YTHDC2: variants seen among roughly 807,000 people sequenced by gnomAD.
YTHDC2 encodes 3'-5' RNA helicase YTHDC2.
YTHDC2 carries 45 observed loss-of-function variants against 174.9 expected under a neutral mutation model. The ratio of observed to expected loss-of-function variants is 0.26; its 90% CI spans 0.20 to 0.33. The LOEUF is 0.33. Among genes scored for constraint, YTHDC2 ranks in the 10% least tolerant of loss-of-function variants. The pLI, the probability that YTHDC2 is intolerant of heterozygous loss-of-function variation, is 1.00. For synonymous variants in YTHDC2, 657 were observed against 574.5 expected (o/e 1.14, Z -2.05); for missense variants, 1,650 against 1,723.7 (o/e 0.96, Z 0.76).
Position 113,594,447 on chromosome 5 carries a change from C to T in YTHDC2, c.*973C>T, listed in dbSNP as rs756125669. 6.6e-6 allele frequency: 1 copy of T among 152,138 alleles called. No individual in the cohort carries two copies. Among genetic ancestry groups the T allele is most frequent in the Non-Finnish European group, 1.5e-5 (1 of 68,030 alleles). The allele number at this position is 152,138 out of a possible 1,614,324, so 9.4% of individuals were successfully genotyped here. On this transcript the variant is annotated 3_prime_UTR_variant, in exon 30 of 30. Coordinates refer to ENST00000161863, the MANE Select transcript of YTHDC2 (RefSeq NM_022828.5). ...GCGCCACAATTCTAAGTGCCGCCTT[C>T]CATTTTTTTTCAGTATGTTTTCACT... is the stretch of plus-strand genomic sequence containing the variant.
chr5:113,589,336 T>C (rs1400249636), intron 26 of YTHDC2, among the ~76,000 whole-genome samples: 1 of 149,878 alleles, frequency 6.7e-6, no homozygotes, highest in Non-Finnish European at 1.5e-5. Context: ...TGTTCTTTCC[T>C]TCTAATGTGT....
chr5:113,541,242 A>G, intron 9 of YTHDC2, 126 bp downstream of exon 9: 1 of 1,064,080 alleles, frequency 9.4e-7, no homozygotes, highest in Admixed American at 2.1e-5. Context: ...CCCAGGCTGG[A>G]GTGGAGTGGC....
rs1319188755 is a variant in YTHDC2 at position 113,553,202 on chromosome 5, T to C, written c.1710T>C (p.Asn570=). The change falls in exon 13 of 30, where the codon AAT becomes AAC. Residue 570 remains asparagine, a synonymous_variant. Coordinates refer to ENST00000161863, the MANE Select transcript of YTHDC2 (RefSeq NM_022828.5). ...TCAGTGCTACACTGGAATTTGGAAATCTAGATGAAAGTTCTCTGGTTCAAA... is the reference window on the plus strand; with the variant it reads ...TCAGTGCTACACTGGAATTTGGAAACCTAGATGAAAGTTCTCTGGTTCAAA... The part of the protein sequence containing the change: ...ESYSATLEFG[N]LDESSLVQTN... 7.2e-7 allele frequency: 1 copy of C among 1,384,156 alleles called. No individual in the cohort carries two copies. Among genetic ancestry groups the C allele is most frequent in the East Asian group, 2.6e-5 (1 of 38,220 alleles). The allele number at this position is 1,384,156 out of a possible 1,614,324, so 85.7% of individuals were successfully genotyped here. A position where few individuals can be genotyped will look rare whatever the true frequency, so the allele number is the denominator to read the frequency against.
At chr5:113,538,425 A>T (rs997923240) in intron 7 of YTHDC2, among the ~76,000 whole-genome samples, 6 of 152,132 alleles carry the variant, frequency 3.9e-5, no homozygotes, top group African/African-American at 1.4e-4. Flanking sequence ...CTTGAACGAT[A>T]TCCCTCTCCA....
At chr5:113,565,849 G>C (rs781496875) in intron 20 of YTHDC2, 44 bp from the exon 21 acceptor site, 1 of 1,581,680 alleles carries the variant, frequency 6.3e-7, no homozygotes, top group South Asian at 1.2e-5. Context: ...ACTAAGAAGC[G>C]ATTAGTAAAT....
intron 10 of YTHDC2, among the ~76,000 whole-genome samples, chr5:113,547,374 A>G (rs1019195404): frequency 2.6e-5 from 4 of 152,230 alleles, no homozygotes; most frequent in Admixed American, 6.5e-5. Context: ...AGCAGAAACA[A>G]CAACAACAAA....
In YTHDC2 at chr5:113,581,361, A is replaced by G. The variant is rs1369390411; in HGVS notation, c.3355-56A>G. On this transcript the variant is annotated intron_variant, in intron 24 of 29. Coordinates refer to ENST00000161863, the MANE Select transcript of YTHDC2 (RefSeq NM_022828.5). ...CAAACTAATGGAAACTAATCAACAC[A>G]TAGGTGTTTTGCATATGTGATATTC... The G allele has an allele frequency of 4.5e-5, 66 of 1,470,910 alleles. 1 individual carries two copies. In the South Asian group the frequency reaches 7.9e-4, roughly 18 times the overall value. The allele number at this position is 1,470,910 out of a possible 1,614,324, so 91.1% of individuals were successfully genotyped here. A position where few individuals can be genotyped will look rare whatever the true frequency, so the allele number is the denominator to read the frequency against.
rs573388981 is a variant in YTHDC2, at chr5:113,530,668, T to C, written c.676-2211T>C. On this transcript the variant is annotated intron_variant, in intron 4 of 29. Coordinates refer to ENST00000161863, the MANE Select transcript of YTHDC2 (RefSeq NM_022828.5). Reference sequence around the variant, plus strand: ...TATACATAATCAGCTACATTGTTGCTATTACTATTTTGAACCAATTGTTAT... The same window carrying C: ...TATACATAATCAGCTACATTGTTGCCATTACTATTTTGAACCAATTGTTAT... 2.6e-5 allele frequency among the ~76,000 whole-genome samples: 4 copies of C among 152,336 alleles called. No individual in the cohort carries two copies. In the East Asian group the frequency reaches 5.8e-4, roughly 22 times the overall value.
rs1045828319 is a variant in YTHDC2 at position 113,561,469 on chromosome 5, C to A, written c.2322+284C>A. 7.2e-3 allele frequency among the ~76,000 whole-genome samples: 910 copies of A among 125,672 alleles called. 7 individuals carry two copies. Among genetic ancestry groups the A allele is most frequent in the African/African-American group, 0.032 (848 of 26,294 alleles). The allele number at this position is 125,672 out of a possible 152,430, so 82.4% of individuals were successfully genotyped here. A position where few individuals can be genotyped will look rare whatever the true frequency, so the allele number is the denominator to read the frequency against. The stretch of plus-strand genomic sequence containing the variant: ...TCTATCTATCTATCTATCTATCTAT[C>A]TATATTTTTTTTTTTTTGAGTCAGA... On this transcript the variant is annotated intron_variant, in intron 18 of 29. Coordinates refer to ENST00000161863, the MANE Select transcript of YTHDC2 (RefSeq NM_022828.5).
At chr5:113,520,846 A>G (rs1034366762) in intron 2 of YTHDC2, among the ~76,000 whole-genome samples, 4 of 152,176 alleles carry the variant, frequency 2.6e-5, no homozygotes, top group African/African-American at 9.7e-5. Context: ...GGTTTGTTGT[A>G]CAGATTATTT....
chr5:113,594,891 C>T lies in YTHDC2; in HGVS notation c.*1417C>T, dbSNP rs1779183324. The T allele has an allele frequency of 6.6e-6, 1 of 152,116 alleles. No individual in the cohort carries two copies. The allele number at this position is 152,116 out of a possible 1,614,324, so 9.4% of individuals were successfully genotyped here. Reference sequence around the variant, plus strand: ...TCTGGGAAAGCATTATATAGTGGTGCATTAGTTTAGAAAGTCAGCTATGAT... The same window carrying T: ...TCTGGGAAAGCATTATATAGTGGTGTATTAGTTTAGAAAGTCAGCTATGAT... On this transcript the variant is annotated 3_prime_UTR_variant, in exon 30 of 30. Coordinates refer to ENST00000161863, the MANE Select transcript of YTHDC2 (RefSeq NM_022828.5).
chr5:113,586,743 G>A (rs1051438550), intron 26 of YTHDC2, among the ~76,000 whole-genome samples: 11 of 150,108 alleles, frequency 7.3e-5, no homozygotes, highest in African/African-American at 2.0e-4. Flanking sequence ...TTCCAGTACC[G>A]TTTGTTAAAA....
intron 2 of YTHDC2, among the ~76,000 whole-genome samples, chr5:113,520,094 G>T (rs927272759): frequency 6.6e-6 from 1 of 151,822 alleles, no homozygotes; most frequent in Non-Finnish European, 1.5e-5. Context: ...ATGTTCCCCC[G>T]CTATGTCCAT....
chr5:113,563,956 G>C lies in YTHDC2; in HGVS notation c.2540G>C (p.Cys847Ser). The change falls in exon 20 of 30, where the codon TGT becomes TCT. Residue 847 changes from cysteine to serine, a missense_variant. By Grantham distance (112) the Cys-to-Ser change is moderately radical. Coordinates refer to ENST00000161863, the MANE Select transcript of YTHDC2 (RefSeq NM_022828.5). ...CCACATCTTGGTAAAATGGTCTTGT[G>C]TGCTGTTGTTTTAAAGTGTCTGGAC... Reference protein sequence around the residue: ...VEPHLGKMVLCAVVLKCLDPI... With the variant: ...VEPHLGKMVLSAVVLKCLDPI... The C allele has an allele frequency of 6.2e-7, 1 of 1,614,146 alleles. No individual in the cohort carries two copies. The highest frequency in any genetic ancestry group is 1.1e-5 in the South Asian group (1 of 91,076).
chr5:113,555,167 G>T (rs7706958), intron 16 of YTHDC2, among the ~76,000 whole-genome samples: 47,107 of 151,534 alleles, frequency 0.31, 9,473 homozygotes, highest in African/African-American at 0.56. Context: ...GGATAAAGTG[G>T]GTTTTGAATA....
At chr5:113,522,180 A>G (rs1773920887) in intron 2 of YTHDC2, among the ~76,000 whole-genome samples, 1 of 145,536 alleles carries the variant, frequency 6.9e-6, no homozygotes, top group African/African-American at 2.5e-5. Flanking sequence ...TTTGTTTTTA[A>G]GAGACTCCTG....
At chr5:113,539,768 T>C (rs908855248) in intron 8 of YTHDC2, among the ~76,000 whole-genome samples, 1 of 152,136 alleles carries the variant, frequency 6.6e-6, no homozygotes, top group African/African-American at 2.4e-5. Context: ...TGTATGCCCT[T>C]GGACAAAAAT....
intron 17 of YTHDC2, chr5:113,556,337 C>G (rs1263562340): frequency 5.4e-6 from 2 of 371,532 alleles, no homozygotes; most frequent in African/African-American, 4.2e-5. Flanking sequence ...AAACTTTTGC[C>G]TAGTTAAATG....
At chr5:113,527,868 A>C (rs943930269) in intron 4 of YTHDC2, among the ~76,000 whole-genome samples, 9 of 152,054 alleles carry the variant, frequency 5.9e-5, no homozygotes, top group African/African-American at 2.2e-4. Flanking sequence ...GGCTTACTGC[A>C]ACCTCAGTGC....
Sources: allele counts gnomAD v4.1 joint callset (sites outside exome capture counted in the v4.1 genomes callset), GRCh38; gene constraint gnomAD v4.1.1; transcripts MANE v1.5; gene names NCBI Gene and HGNC (gene_info 2026-07-23, HGNC 2026-07-21).